AP3S1: variants seen among roughly 807,000 people sequenced by gnomAD.
AP3S1 encodes the protein AP-3 complex subunit sigma-1.
AP3S1 carries 12 observed loss-of-function variants against 21.3 expected under a neutral mutation model. That is an observed-to-expected ratio of 0.56 (90% confidence interval 0.36 to 0.91). AP3S1 has a LOEUF of 0.91. Among genes scored for constraint, AP3S1 ranks in the 40% least tolerant of loss-of-function variants. The probability of loss-of-function intolerance (pLI) is 0.01; values close to 1 mark genes in which losing one functional copy is unlikely to be tolerated. For synonymous variants in AP3S1, 48 were observed against 78.4 expected (o/e 0.61, Z 2.05); for missense variants, 116 against 225.0 (o/e 0.52, Z 3.10).
intron 1 of AP3S1, chr5:115,853,064 T>G (rs1164244585): frequency 1.3e-5 from 6 of 448,984 alleles, no homozygotes; most frequent in South Asian, 9.5e-5. Context: ...TATTCTAAAG[T>G]GACTGTACCA....
intron 4 of AP3S1, among the ~76,000 whole-genome samples, chr5:115,900,405 A>G: frequency 6.6e-6 from 1 of 152,166 alleles, no homozygotes; most frequent in South Asian, 2.1e-4. Context: ...TTGCTAGTTC[A>G]TTTGACCTGA....
At chr5:115,891,528 C>T (rs184517217) in intron 3 of AP3S1, among the ~76,000 whole-genome samples, 10 of 152,240 alleles carry the variant, frequency 6.6e-5, no homozygotes, top group Admixed American at 3.3e-4. Context: ...TCTCAGAGCA[C>T]TTTACAGAAC....
At chr5:115,842,309 G>A (rs912233038) in intron 1 of AP3S1, among the ~76,000 whole-genome samples, 1 of 152,186 alleles carries the variant, frequency 6.6e-6, no homozygotes, top group African/African-American at 2.4e-5. Flanking sequence ...CCACCGACGT[G>A]GCTTTGCCCG....
chr5:115,880,171 T>A (rs527558250), intron 3 of AP3S1, among the ~76,000 whole-genome samples: 47 of 152,294 alleles, frequency 3.1e-4, no homozygotes, highest in African/African-American at 1.1e-3. Flanking sequence ...AGTCATTGAT[T>A]TTTTGAAGGG....
intron 3 of AP3S1, among the ~76,000 whole-genome samples, chr5:115,874,224 C>T (rs1180109035): frequency 6.6e-6 from 1 of 151,744 alleles, no homozygotes; most frequent in Non-Finnish European, 1.5e-5. Context: ...TTGATATATA[C>T]CATTTTAGTG....
chr5:115,847,812 T>C (rs531536884), intron 1 of AP3S1, among the ~76,000 whole-genome samples: 25 of 152,342 alleles, frequency 1.6e-4, no homozygotes, highest in African/African-American at 5.8e-4. Flanking sequence ...AATTTTAGAT[T>C]GCTTCTGAGG....
At chr5:115,858,516 T>G (rs1411159555) in intron 1 of AP3S1, among the ~76,000 whole-genome samples, 1 of 152,180 alleles carries the variant, frequency 6.6e-6, no homozygotes, top group Non-Finnish European at 1.5e-5. Flanking sequence ...TTAGTTGTGC[T>G]GGGTACTTGA....
intron 4 of AP3S1, among the ~76,000 whole-genome samples, chr5:115,902,628 T>C (rs1751309893): frequency 6.6e-6 from 1 of 152,212 alleles, no homozygotes; most frequent in African/African-American, 2.4e-5. Context: ...TTACCTTGCT[T>C]ATTCCTTTCA....
At chr5:115,887,342 C>T (rs966719475) in intron 3 of AP3S1, among the ~76,000 whole-genome samples, 1 of 142,504 alleles carries the variant, frequency 7.0e-6, no homozygotes, top group African/African-American at 2.6e-5. Context: ...CTTTTCGTAT[C>T]TTATAACATG....
chr5:115,883,120 C>G (rs539084282), intron 3 of AP3S1, among the ~76,000 whole-genome samples: 1 of 152,318 alleles, frequency 6.6e-6, no homozygotes, highest in African/African-American at 2.4e-5. Context: ...AGCCAGTGGA[C>G]CTTAGCTTGC....
At chr5:115,855,481 A>C (rs1255289889) in intron 1 of AP3S1, among the ~76,000 whole-genome samples, 1 of 151,922 alleles carries the variant, frequency 6.6e-6, no homozygotes, top group Non-Finnish European at 1.5e-5. Flanking sequence ...CTGGGACTAC[A>C]GGCATGCATC....
chr5:115,907,425 A>C (rs13359139), intron 5 of AP3S1, among the ~76,000 whole-genome samples: 4,240 of 152,266 alleles, frequency 0.028, 81 homozygotes, highest in Middle Eastern at 0.065. Context: ...AATGGTTTTC[A>C]GTTCCAAAGT....
chr5:115,911,625 G>A (rs1010675122), intron 5 of AP3S1, among the ~76,000 whole-genome samples: 6 of 152,124 alleles, frequency 3.9e-5, no homozygotes, highest in Non-Finnish European at 7.4e-5. Flanking sequence ...AAAGCCAAAA[G>A]ATGGTAAACC....
intron 5 of AP3S1, among the ~76,000 whole-genome samples, chr5:115,908,171 C>G (rs1054732433): frequency 6.6e-6 from 1 of 152,004 alleles, no homozygotes; most frequent in South Asian, 2.1e-4. Flanking sequence ...CGTTTTTGGT[C>G]CCTCTATCCA....
rs114527706 is a variant in AP3S1, at chr5:115,899,820, A to G, written c.346-3065A>G. ...GGATACATTTAACATCTATTATACAAGTACTTGGAGGATCTTATCCAATTG... is the reference window on the plus strand; with the variant it reads ...GGATACATTTAACATCTATTATACAGGTACTTGGAGGATCTTATCCAATTG... On this transcript the variant is annotated intron_variant, in intron 4 of 5. Transcript: ENST00000316788. Among the ~76,000 whole-genome samples the G allele has an allele frequency of 5.1e-3, 776 of 152,280 alleles. 2 individuals are homozygous for G. The highest frequency in any genetic ancestry group is 7.3e-3 in the South Asian group (35 of 4,826).
chr5:115,855,065 C>A (rs938301505), intron 1 of AP3S1, among the ~76,000 whole-genome samples: 1 of 137,182 alleles, frequency 7.3e-6, no homozygotes, highest in East Asian at 2.0e-4. Flanking sequence ...CTATCTATCT[C>A]TGTCTCTGTC....
At chr5:115,867,544 A>G (rs1383403028) in intron 2 of AP3S1, among the ~76,000 whole-genome samples, 1 of 152,182 alleles carries the variant, frequency 6.6e-6, no homozygotes, top group Non-Finnish European at 1.5e-5. Flanking sequence ...ACTCTGGATA[A>G]CAGGGAATCC....
intron 1 of AP3S1, among the ~76,000 whole-genome samples, chr5:115,861,097 T>C (rs1359465381): frequency 1.3e-5 from 2 of 152,154 alleles, no homozygotes; most frequent in African/African-American, 4.8e-5. Context: ...TTGAGCACAT[T>C]GTTATAAGTG....
At chr5:115,846,029 C>T (rs1762037262) in intron 1 of AP3S1, among the ~76,000 whole-genome samples, 1 of 151,976 alleles carries the variant, frequency 6.6e-6, no homozygotes, top group Admixed American at 6.6e-5. Flanking sequence ...TCTTTTAATA[C>T]TTACCTGACA....
Sources: allele counts gnomAD v4.1 joint callset (sites outside exome capture counted in the v4.1 genomes callset), GRCh38; gene constraint gnomAD v4.1.1; transcripts MANE v1.5; gene names NCBI Gene and HGNC (gene_info 2026-07-23, HGNC 2026-07-21).